Variants in FAM117B observed in about 807,000 individuals in gnomAD.
The protein encoded by FAM117B is protein FAM117B.
Under a neutral mutation model 52.8 loss-of-function variants are expected in FAM117B, and 22 were observed. That is an observed-to-expected ratio of 0.42 (90% confidence interval 0.30 to 0.59). The LOEUF (loss-of-function observed/expected upper bound fraction) is 0.59, where lower values mean the gene tolerates loss of function less well. Ranked by LOEUF, FAM117B falls within the 20% of genes least tolerant of loss-of-function variation. FAM117B has a pLI of 0.22. For missense variants in FAM117B, 678 were observed against 802.6 expected, an observed-to-expected ratio of 0.84 and a Z score of 1.88; for synonymous variants, 309 against 324.1, an observed-to-expected ratio of 0.95 and a Z score of 0.50.
At chr2:202,754,338 G>A (rs533882802) in intron 4 of FAM117B, among the ~76,000 whole-genome samples, 18 of 152,146 alleles carry the variant, frequency 1.2e-4, no homozygotes, top group Admixed American at 3.9e-4. Flanking sequence ...GAACACATGG[G>A]CACATAGAGG....
chr2:202,651,285 C>T (rs1246349665), intron 1 of FAM117B, among the ~76,000 whole-genome samples: 3 of 151,920 alleles, frequency 2.0e-5, no homozygotes, highest in Non-Finnish European at 4.4e-5. Context: ...TGGTCTCGAA[C>T]TCCTGATTGC....
chr2:202,698,270 T>C (rs1690744289), intron 2 of FAM117B, among the ~76,000 whole-genome samples: 1 of 152,240 alleles, frequency 6.6e-6, no homozygotes, highest in Non-Finnish European at 1.5e-5. Context: ...GCTCAGTTTA[T>C]TTTCTGTTCT....
At chr2:202,748,038 A>G (rs1691660609) in intron 4 of FAM117B, among the ~76,000 whole-genome samples, 2 of 152,244 alleles carry the variant, frequency 1.3e-5, no homozygotes, top group Admixed American at 1.3e-4. Flanking sequence ...AGCTAGAGGC[A>G]TCATACTACC....
chr2:202,676,378 T>G (rs1008624676), intron 1 of FAM117B, among the ~76,000 whole-genome samples: 3 of 147,462 alleles, frequency 2.0e-5, no homozygotes, highest in African/African-American at 5.2e-5. Flanking sequence ...ATTCCTTGTT[T>G]TTTTTTTTTT....
chr2:202,650,258 T>C (rs1163024743), intron 1 of FAM117B, among the ~76,000 whole-genome samples: 1 of 152,162 alleles, frequency 6.6e-6, no homozygotes, highest in African/African-American at 2.4e-5. Flanking sequence ...TTAGATTTGG[T>C]AGATGAAAGA....
rs1157457357 is a variant in FAM117B, at chr2:202,666,668, C to CTTT, written c.602-29197_602-29195dup. ...TGAAATAACATGTTTCGTTTCATTT[C>CTTT]TTTTTTTTTTTTTTTTTTGAGACAG... On this transcript the variant is annotated intron_variant, in intron 1 of 7. Transcript: ENST00000392238. Among the ~76,000 whole-genome samples the CTTT allele has an allele frequency of 1.1e-3, 141 of 125,760 alleles. 1 individual carries two copies. The highest frequency in any genetic ancestry group is 4.3e-3 in the Middle Eastern group (1 of 234). 82.5% of individuals were successfully genotyped at this position (125,760 alleles called of 152,430 possible). A position where few individuals can be genotyped will look rare whatever the true frequency, so the allele number is the denominator to read the frequency against.
chr2:202,655,755 AGAGAGAGT>A (rs1304874994), intron 1 of FAM117B, among the ~76,000 whole-genome samples: 450 of 133,280 alleles, frequency 3.4e-3, no homozygotes, highest in Non-Finnish European at 4.4e-3. Context: ...AGAGAGAGAG[AGAGAGAGT>A]GTGTGTGTGT....
At chr2:202,644,759 C>A (rs570525505) in intron 1 of FAM117B, among the ~76,000 whole-genome samples, 4 of 152,224 alleles carry the variant, frequency 2.6e-5, no homozygotes, top group Non-Finnish European at 4.4e-5. Flanking sequence ...GAAAGCACTT[C>A]ATCTTCTAGC....
chr2:202,669,531 AT>A (rs201969911), intron 1 of FAM117B, among the ~76,000 whole-genome samples: 15 of 150,216 alleles, frequency 1.0e-4, no homozygotes, highest in African/African-American at 1.7e-4. Context: ...AATTTTCTAG[AT>A]TTTTTTTTTG....
intron 1 of FAM117B, among the ~76,000 whole-genome samples, chr2:202,667,440 T>TTGTGTATG (rs1418580919): frequency 6.6e-6 from 1 of 151,668 alleles, no homozygotes; most frequent in African/African-American, 2.4e-5. Flanking sequence ...AAAAAAAGCT[T>TTGTGTATG]TGTGTATGTG....
In FAM117B at chr2:202,693,188, C is replaced by A. The variant is rs534331544; in HGVS notation, c.602-2693C>A. On this transcript the variant is annotated intron_variant, in intron 1 of 7. Coordinates refer to ENST00000392238, the MANE Select transcript of FAM117B (RefSeq NM_173511.4). ...AAAAGTGTTTCTATTGTTTTAATAC[C>A]TTTTCTCGAACAGTATACTCCATGT... Among the ~76,000 whole-genome samples, 3 of 152,026 alleles carry A rather than the reference C, an allele frequency of 2.0e-5. No homozygotes were observed. In the East Asian group the frequency reaches 5.8e-4, roughly 29 times the overall value.
intron 1 of FAM117B, among the ~76,000 whole-genome samples, chr2:202,642,157 A>G (rs1219916914): frequency 4.6e-5 from 6 of 130,680 alleles, no homozygotes; most frequent in African/African-American, 1.7e-4. Flanking sequence ...ATTTCACCAT[A>G]TTGGACAGGC....
intron 1 of FAM117B, among the ~76,000 whole-genome samples, chr2:202,663,350 ACT>A (rs1690158476): frequency 6.6e-6 from 1 of 152,084 alleles, no homozygotes; most frequent in Admixed American, 6.6e-5. Context: ...GCTGTGGGTA[ACT>A]CTATAGTTAG....
chr2:202,684,942 G>A (rs909067835), intron 1 of FAM117B, among the ~76,000 whole-genome samples: 1 of 151,880 alleles, frequency 6.6e-6, no homozygotes, highest in Admixed American at 6.6e-5. Flanking sequence ...TCTGTTACTC[G>A]ATTATCTAAG....
At position 202,635,123 on chromosome 2, in the gene FAM117B, T is replaced by C; in HGVS notation, c.-65T>C. 1 of 1,247,028 alleles carries C rather than the reference T, an allele frequency of 8.0e-7. No homozygotes were observed. The highest frequency in any genetic ancestry group is 3.2e-5 in the South Asian group (1 of 31,438). The allele number at this position is 1,247,028 out of a possible 1,614,324, so 77.2% of individuals were successfully genotyped here. On this transcript the variant is annotated 5_prime_UTR_variant, in exon 1 of 8. Transcript: ENST00000392238. ...GCCTGCCCTCCGGCCTCGAGAATCCTCCCCCTGCAGCCCAACAACAACAAA... is the reference window on the plus strand; with the variant it reads ...GCCTGCCCTCCGGCCTCGAGAATCCCCCCCCTGCAGCCCAACAACAACAAA...
intron 1 of FAM117B, among the ~76,000 whole-genome samples, chr2:202,642,546 T>G (rs1404426474): frequency 6.6e-6 from 1 of 152,068 alleles, no homozygotes; most frequent in Non-Finnish European, 1.5e-5. Context: ...ATGGTGGTTC[T>G]AATTGATAAC....
chr2:202,674,144 C>T (rs1376169029), intron 1 of FAM117B, among the ~76,000 whole-genome samples: 2 of 152,086 alleles, frequency 1.3e-5, no homozygotes, highest in African/African-American at 4.8e-5. Flanking sequence ...TTCTAAATTT[C>T]TCCTTCTGGT....
chr2:202,646,860 A>G (rs1254614471), intron 1 of FAM117B, among the ~76,000 whole-genome samples: 26 of 152,124 alleles, frequency 1.7e-4, no homozygotes, highest in Admixed American at 1.6e-3. Flanking sequence ...TGATAACAAT[A>G]GTTTTATCCC....
Position 202,695,866 on chromosome 2 carries a change from T to G in FAM117B, c.602-15T>G, listed in dbSNP as rs746625494. On this transcript the variant is annotated splice_polypyrimidine_tract_variant and intron_variant, in intron 1 of 7. Coordinates refer to ENST00000392238, the MANE Select transcript of FAM117B (RefSeq NM_173511.4). ...CCTAATTTTATTAAAACAAGCATTT[T>G]TGTCTTAAATCTAGGTGACAAAACA... 2.6e-6 allele frequency: 4 copies of G among 1,559,518 alleles called. No individual in the cohort carries two copies. Among genetic ancestry groups the G allele is most frequent in the Non-Finnish European group, 3.5e-6 (4 of 1,152,218 alleles).
Sources: allele counts gnomAD v4.1 joint callset (sites outside exome capture counted in the v4.1 genomes callset), GRCh38; gene constraint gnomAD v4.1.1; transcripts MANE v1.5; gene names NCBI Gene and HGNC (gene_info 2026-07-23, HGNC 2026-07-21).